The following STX8 variants were observed in gnomAD, a reference collection of about 807,000 sequenced individuals.
STX8 encodes the protein syntaxin 8, also known as syntaxin-8.
STX8 carries 23 observed loss-of-function variants against 37.5 expected under a neutral mutation model. That is an observed-to-expected ratio of 0.61 (90% CI 0.44 to 0.87). The LOEUF (loss-of-function observed/expected upper bound fraction) is 0.87. Ranked by LOEUF, STX8 falls within the 40% of genes least tolerant of loss-of-function variation. The pLI is 0.00. For synonymous variants in STX8, 115 were observed against 99.1 expected (o/e 1.16, Z -0.95); for missense variants, 313 against 284.7 (o/e 1.10, Z -0.71).
At chr17:9,500,465 C>T (rs954336966) in intron 5 of STX8, among the ~76,000 whole-genome samples, 1 of 152,008 alleles carries the variant, frequency 6.6e-6, no homozygotes, top group Non-Finnish European at 1.5e-5. Context: ...GCATTTTCCT[C>T]GAGTTGAGAA....
intron 7 of STX8, among the ~76,000 whole-genome samples, chr17:9,351,178 T>C (rs1317910963): frequency 2.0e-5 from 2 of 99,304 alleles, no homozygotes; most frequent in Non-Finnish European, 4.2e-5. Context: ...TTCCTTGTCT[T>C]TTTTTTTTTT....
At chr17:9,282,107 ATT>A (rs1389734307) in intron 7 of STX8, among the ~76,000 whole-genome samples, 1 of 151,926 alleles carries the variant, frequency 6.6e-6, no homozygotes, top group African/African-American at 2.4e-5. Flanking sequence ...CATTTGATAA[ATT>A]TTTGTTTGGT....
chr17:9,536,428 T>C lies in STX8; in HGVS notation c.323+8744A>G, dbSNP rs1039795963. Among the ~76,000 whole-genome samples the C allele has an allele frequency of 2.0e-5, 3 of 152,172 alleles. No individual in the cohort carries two copies. In the South Asian group the frequency reaches 6.2e-4, roughly 32 times the overall value. On this transcript the variant is annotated intron_variant, in intron 4 of 7. Transcript: ENST00000306357. ...TGCAACTTACTTCACGGGATGTTTT[T>C]CCCTATTTAAGCCATTTTGAGCAGG...
rs753671505 is a variant in STX8 at position 9,409,818 on chromosome 17, TC to T, written c.542-31166del. Among the ~76,000 whole-genome samples the T allele has an allele frequency of 4.6e-5, 7 of 152,334 alleles. No homozygotes were observed. In the South Asian group the frequency reaches 1.4e-3, roughly 32 times the overall value. On this transcript the variant is annotated intron_variant, in intron 6 of 7. Coordinates refer to ENST00000306357, the MANE Select transcript of STX8 (RefSeq NM_004853.3). ...GAAAAAAAGCCAGGTCAGTGGTTCC[TC>T]CCTTGTGAATGCTTTTATTAGTGAA...
chr17:9,431,449 TTTTG>T (rs1157309372), intron 6 of STX8, among the ~76,000 whole-genome samples: 4 of 146,628 alleles, frequency 2.7e-5, no homozygotes, highest in African/African-American at 1.1e-4. Flanking sequence ...GTTGTTGTTG[TTTTG>T]TTTTTTTTGT....
At chr17:9,341,010 A>G (rs1396102214) in intron 7 of STX8, among the ~76,000 whole-genome samples, 1 of 144,574 alleles carries the variant, frequency 6.9e-6, no homozygotes, top group East Asian at 2.0e-4. Context: ...TTATATATAT[A>G]AATATATATT....
chr17:9,319,457 GA>G (rs1253129560), intron 7 of STX8, among the ~76,000 whole-genome samples: 2 of 151,810 alleles, frequency 1.3e-5, no homozygotes, highest in Non-Finnish European at 2.9e-5. Context: ...AAACACTAAA[GA>G]AAAGAAAAAA....
chr17:9,338,027 G>A (rs1910193549), intron 7 of STX8, among the ~76,000 whole-genome samples: 1 of 151,468 alleles, frequency 6.6e-6, no homozygotes, highest in African/African-American at 2.4e-5. Context: ...TATTCTGAGG[G>A]CTTTGGGGCA....
Position 9,290,635 on chromosome 17 carries a change from C to T in STX8, c.644-39990G>A, listed in dbSNP as rs150554231. Among the ~76,000 whole-genome samples, 697 of 152,274 alleles carry T rather than the reference C, an allele frequency of 4.6e-3. 3 individuals are homozygous for T. The highest frequency in any genetic ancestry group is 8.4e-3 in the Admixed American group (128 of 15,288). On this transcript the variant is annotated intron_variant, in intron 7 of 7. Transcript: ENST00000306357. ...TACAGTATAGCGAGGGAAGGAGGGG[C>T]CTCTGTGGTACAAGTCCCAGATCTC...
intron 7 of STX8, among the ~76,000 whole-genome samples, chr17:9,260,139 T>C (rs1018889232): frequency 9.9e-5 from 15 of 151,510 alleles, no homozygotes; most frequent in Non-Finnish European, 1.8e-4. Flanking sequence ...TGGGCAACAA[T>C]GCGAGATCCC....
intron 6 of STX8, among the ~76,000 whole-genome samples, chr17:9,395,541 G>A (rs1445414537): frequency 6.6e-6 from 1 of 152,142 alleles, no homozygotes; most frequent in Non-Finnish European, 1.5e-5. Flanking sequence ...TCGCACCACT[G>A]CACTCCAGCC....
At chr17:9,347,475 T>A (rs1408127517) in intron 7 of STX8, among the ~76,000 whole-genome samples, 1 of 152,176 alleles carries the variant, frequency 6.6e-6, no homozygotes, top group Admixed American at 6.5e-5. Context: ...CAAAATACAC[T>A]CCCAATGTTG....
intron 3 of STX8, chr17:9,556,754 T>TATATATATATATATATACATAC (rs1906981204): frequency 2.1e-3 from 9 of 4,254 alleles, no homozygotes; most frequent in African/African-American, 0.01. Flanking sequence ...TTCTAAAATA[T>TATATATATATATATATACATAC]ATATATATAT....
chr17:9,557,541 G>T lies in STX8; in HGVS notation c.118-13C>A. 1.2e-6 allele frequency: 2 copies of T among 1,611,262 alleles called. No individual in the cohort carries two copies. The highest frequency in any genetic ancestry group is 1.1e-5 in the South Asian group (1 of 90,978). ...TTGTCACGGTAAGCTGAAAAGAAAA[G>T]AACACATCCTAAGTATTCTAGTCCA... On this transcript the variant is annotated splice_polypyrimidine_tract_variant and intron_variant, in intron 2 of 7. Coordinates refer to ENST00000306357, the MANE Select transcript of STX8 (RefSeq NM_004853.3).
chr17:9,513,313 C>CAAAAAAAAAAAAAAAAAAAAAAAAAAA (rs35228175), intron 4 of STX8, among the ~76,000 whole-genome samples: 4 of 78,038 alleles, frequency 5.1e-5, no homozygotes, highest in Admixed American at 1.5e-4. Context: ...ACTCTATTTC[C>CAAAAAAAAAAAAAAAAAAAAAAAAAAA]AAAAAAAAAA....
chr17:9,299,588 C>T (rs977899053), intron 7 of STX8, among the ~76,000 whole-genome samples: 4 of 151,888 alleles, frequency 2.6e-5, no homozygotes, highest in African/African-American at 9.7e-5. Flanking sequence ...GGACTACAGG[C>T]GCCCGCCACC....
chr17:9,352,314 T>C (rs1910732859), intron 7 of STX8, among the ~76,000 whole-genome samples: 1 of 152,106 alleles, frequency 6.6e-6, no homozygotes, highest in South Asian at 2.1e-4. Flanking sequence ...GTGGTTATCC[T>C]GCTTCCCATA....
intron 2 of STX8, among the ~76,000 whole-genome samples, chr17:9,564,048 C>T (rs1283854408): frequency 2.0e-5 from 3 of 152,146 alleles, no homozygotes; most frequent in Non-Finnish European, 2.9e-5. Flanking sequence ...CACCACTTCA[C>T]GTTAAAAACA....
intron 7 of STX8, among the ~76,000 whole-genome samples, chr17:9,280,414 G>A (rs994152463): frequency 6.6e-6 from 1 of 152,150 alleles, no homozygotes; most frequent in African/African-American, 2.4e-5. Context: ...TTAGCCGGGT[G>A]TGGTGGCGGG....
Sources: gnomAD v4.1 joint callset for allele counts (sites outside exome capture counted in the v4.1 genomes callset) on GRCh38, gnomAD v4.1.1 for gene constraint, MANE v1.5 for transcripts, NCBI Gene and HGNC (gene_info 2026-07-23, HGNC 2026-07-21) for gene names.